Variants in TCP11L2 observed in about 807,000 individuals in gnomAD.
TCP11L2 encodes t-complex 11 like 2, also known as T-complex protein 11-like protein 2.
Under a neutral mutation model 50.7 loss-of-function variants are expected in TCP11L2, and 39 were observed. The ratio of observed to expected loss-of-function variants is 0.77; its 90% confidence interval spans 0.60 to 1.01. The LOEUF (loss-of-function observed/expected upper bound fraction) is 1.01, where lower values mean the gene tolerates loss of function less well. Among genes scored for constraint, TCP11L2 ranks in the 50% least tolerant of loss-of-function variants. TCP11L2 has a pLI of 0.00. For synonymous variants in TCP11L2, 192 were observed against 219.3 expected (o/e 0.88, Z 1.10); for missense variants, 612 against 614.7 (o/e 1.00, Z 0.05).
chr12:106,312,408 A>G (rs1032508194), intron 2 of TCP11L2: 41 of 1,229,614 alleles, frequency 3.3e-5, no homozygotes, highest in Non-Finnish European at 3.6e-5. Flanking sequence ...CAGACCTGGC[A>G]AAAGAAATTA....
chr12:106,344,237 C>G (rs914227217), intron 9 of TCP11L2, among the ~76,000 whole-genome samples: 1 of 152,056 alleles, frequency 6.6e-6, no homozygotes, highest in Non-Finnish European at 1.5e-5. Context: ...CTGGCTGCCA[C>G]GGTTTTCAGT....
In TCP11L2 at chr12:106,320,717, C is replaced by T. The variant is rs368851482; in HGVS notation, c.415-769C>T. Among the ~76,000 whole-genome samples, 5 of 152,130 alleles carry T rather than the reference C, an allele frequency of 3.3e-5. No individual in the cohort carries two copies. The East Asian group carries it at 9.6e-4, about 29-fold the overall frequency. ...GAACTAGAGTAAGCAAGCTGGAAAA[C>T]GAATGAATACAAATTATTGTAACAT... On this transcript the variant is annotated intron_variant, in intron 4 of 9. Coordinates refer to ENST00000299045, the MANE Select transcript of TCP11L2 (RefSeq NM_152772.3).
intron 6 of TCP11L2, chr12:106,329,453 C>T: frequency 6.5e-7 from 1 of 1,533,414 alleles, no homozygotes; most frequent in East Asian, 2.4e-5. Context: ...GCCAACGTTT[C>T]ACTCTAAACG....
chr12:106,346,600 C>T lies in TCP11L2; in HGVS notation c.*70C>T. ...GTATCCAGTCCACTTCCATTGATGGCATTAGAGATCCAGCACATTCTCAGT... is the reference window on the plus strand; with the variant it reads ...GTATCCAGTCCACTTCCATTGATGGTATTAGAGATCCAGCACATTCTCAGT... On this transcript the variant is annotated 3_prime_UTR_variant, in exon 10 of 10. Transcript: ENST00000299045. The T allele has an allele frequency of 2.0e-6, 3 of 1,537,906 alleles. No homozygotes were observed. The highest frequency in any genetic ancestry group is 1.9e-5 in the Admixed American group (1 of 52,364).
chr12:106,324,759 A>T (rs1284814475), intron 6 of TCP11L2: 1 of 152,148 alleles, frequency 6.6e-6, no homozygotes, highest in Non-Finnish European at 1.5e-5. Context: ...TAAGGGAGAA[A>T]AGAGTTGAGG....
intron 9 of TCP11L2, among the ~76,000 whole-genome samples, chr12:106,344,460 G>A (rs1385075708): frequency 6.6e-6 from 1 of 152,178 alleles, no homozygotes; most frequent in Non-Finnish European, 1.5e-5. Context: ...GCTAAGGAAA[G>A]TCACAGAAAG....
In TCP11L2 at chr12:106,318,394, T is replaced by G; in HGVS notation, c.344T>G (p.Leu115Trp). ...HIVHQAFWDV[L>W]DSELNADPPE... ...GTTCACCAGGCCTTCTGGGACGTCT[T>G]GGATTCAGAACTAAATGCTGACCCT... The change falls in exon 4 of 10, where the codon TTG becomes TGG. Residue 115 changes from leucine (L) to tryptophan (W), a missense_variant. Leu to Trp is a moderately conservative substitution (Grantham distance 61). Coordinates refer to ENST00000299045, the MANE Select transcript of TCP11L2 (RefSeq NM_152772.3). The G allele has an allele frequency of 6.2e-7, 1 of 1,614,126 alleles. No homozygotes were observed. Among genetic ancestry groups the G allele is most frequent in the Middle Eastern group, 1.6e-4 (1 of 6,062 alleles).
At chr12:106,321,769 G>A in intron 5 of TCP11L2, 63 bp downstream of exon 5, 1 of 1,438,726 alleles carries the variant, frequency 7.0e-7, no homozygotes, top group Non-Finnish European at 9.8e-7. Flanking sequence ...AGGGAAGTTG[G>A]GCATCAGGGA....
intron 8 of TCP11L2, among the ~76,000 whole-genome samples, chr12:106,339,945 A>G (rs901501503): frequency 9.2e-5 from 14 of 152,208 alleles, no homozygotes; most frequent in African/African-American, 3.1e-4. Flanking sequence ...TCCTTCTTCC[A>G]TGTGCCTGAT....
At chr12:106,300,374 G>C (rs1366475096), upstream of TCP11L2, among the ~76,000 whole-genome samples, 1 of 152,132 alleles carries the variant, frequency 6.6e-6, no homozygotes, top group Non-Finnish European at 1.5e-5. Context: ...CTGTCGCCCA[G>C]GCCGGAGTAA....
At position 106,346,631 on chromosome 12, in the gene TCP11L2, G is replaced by GGT. The variant is rs2136856915; in HGVS notation, c.*103_*104dup. ...AGATCCAGCACATTCTCAGTACTGT[G>GGT]GTGCAGTATTAGCCCAAATCTGTGT... On this transcript the variant is annotated 3_prime_UTR_variant, in exon 10 of 10. Coordinates refer to ENST00000299045, the MANE Select transcript of TCP11L2 (RefSeq NM_152772.3). 1.4e-6 allele frequency: 2 copies of GGT among 1,457,594 alleles called. No individual in the cohort carries two copies. Among genetic ancestry groups the GGT allele is most frequent in the South Asian group, 2.7e-5 (2 of 73,784 alleles). The allele number at this position is 1,457,594 out of a possible 1,614,324, so 90.3% of individuals were successfully genotyped here. A position where few individuals can be genotyped will look rare whatever the true frequency, so the allele number is the denominator to read the frequency against.
In TCP11L2 at chr12:106,314,576, T is replaced by TGTGTGTGTGTGAGAGAGA. The variant is rs1469308055; in HGVS notation, c.293+84_293+85insTGTGTGTGTGAGAGAGAG. ...GTGTGTGTGTGTGTGTGTGTGTGTG[T>TGTGTGTGTGTGAGAGAGA]GAGAGAGAGAGAGAGAGAGAGAGAG... On this transcript the variant is annotated intron_variant, in intron 3 of 9. Transcript: ENST00000299045. The TGTGTGTGTGTGAGAGAGA allele has an allele frequency of 1.2e-5, 3 of 252,996 alleles. No homozygotes were observed. The African/African-American group carries it at 1.2e-4, about 10-fold the overall frequency. 15.7% of individuals were successfully genotyped at this position (252,996 alleles called of 1,614,324 possible).
intron 1 of TCP11L2, among the ~76,000 whole-genome samples, chr12:106,305,078 G>A (rs1033387355): frequency 6.6e-6 from 1 of 152,172 alleles, no homozygotes; most frequent in African/African-American, 2.4e-5. Context: ...AGCCAAACTG[G>A]AGTGGTAGAG....
intron 1 of TCP11L2, chr12:106,303,992 A>G (rs1460164950): frequency 6.6e-6 from 1 of 152,236 alleles, no homozygotes; most frequent in Non-Finnish European, 1.5e-5. Flanking sequence ...CAGCCCAGTC[A>G]GGGACTTTGC....
At chr12:106,343,869 G>A (rs2036159997) in intron 9 of TCP11L2, among the ~76,000 whole-genome samples, 1 of 151,708 alleles carries the variant, frequency 6.6e-6, no homozygotes, top group Non-Finnish European at 1.5e-5. Context: ...ATATTGGCCA[G>A]GCTGGTCTCA....
At chr12:106,319,790 G>A (rs951009761) in intron 4 of TCP11L2, among the ~76,000 whole-genome samples, 1 of 152,204 alleles carries the variant, frequency 6.6e-6, no homozygotes, top group African/African-American at 2.4e-5. Context: ...GGGTAGAGAG[G>A]GACTTGAACT....
intron 6 of TCP11L2, chr12:106,325,798 G>C (rs1018329384): frequency 2.0e-5 from 3 of 151,078 alleles, no homozygotes; most frequent in Non-Finnish European, 4.4e-5. Flanking sequence ...GGTTGAGATG[G>C]GAGAATCGCT....
chr12:106,313,582 A>AAATAAAT (rs1555201345), intron 2 of TCP11L2, among the ~76,000 whole-genome samples: 4 of 139,334 alleles, frequency 2.9e-5, no homozygotes, highest in South Asian at 4.5e-4. Flanking sequence ...CCATCTCAAA[A>AAATAAAT]AAATAAATAA....
chr12:106,327,654 A>AT (rs1392948036), intron 6 of TCP11L2, among the ~76,000 whole-genome samples: 4 of 152,220 alleles, frequency 2.6e-5, no homozygotes, highest in Non-Finnish European at 5.9e-5. Flanking sequence ...TCAGCTGTTA[A>AT]TTATGTCCCC....
Sources: allele counts gnomAD v4.1 joint callset (sites outside exome capture counted in the v4.1 genomes callset), GRCh38; gene constraint gnomAD v4.1.1; transcripts MANE v1.5; gene names NCBI Gene and HGNC (gene_info 2026-07-23, HGNC 2026-07-21).